The following SMAD2 variants were observed in gnomAD, a reference collection of about 807,000 sequenced individuals.
SMAD2 encodes the protein MAD homolog 2.
In SMAD2, 8 loss-of-function variants were observed where a neutral mutation model predicts 64.4. The ratio of observed to expected loss-of-function variants is 0.12; its 90% CI spans 0.07 to 0.22. The LOEUF is 0.22. SMAD2 is among the 10% of genes least tolerant of loss of function. The probability of loss-of-function intolerance (pLI) is 1.00; values close to 1 mark genes in which losing one functional copy is unlikely to be tolerated. For synonymous variants in SMAD2, 203 were observed against 195.8 expected, an observed-to-expected ratio of 1.04 and a Z score of -0.31; for missense variants, 289 against 561.2, an observed-to-expected ratio of 0.51 and a Z score of 4.90.
chr18:47,916,073 G>T (rs1307777628), intron 1 of SMAD2, among the ~76,000 whole-genome samples: 1 of 152,074 alleles, frequency 6.6e-6, no homozygotes, highest in African/African-American at 2.4e-5. Context: ...TTTCATTTAC[G>T]AGTTTTCTAA....
At chr18:47,908,189 C>A (rs192466163) in intron 1 of SMAD2, among the ~76,000 whole-genome samples, 1 of 152,236 alleles carries the variant, frequency 6.6e-6, no homozygotes, top group Admixed American at 6.5e-5. Flanking sequence ...TGCAGATAGC[C>A]TCTGCAAGTA....
intron 5 of SMAD2, chr18:47,866,821 G>C (rs554583470): frequency 3.3e-5 from 5 of 152,176 alleles, no homozygotes; most frequent in African/African-American, 9.6e-5. Flanking sequence ...ATCCACTTCT[G>C]ATTTTCTACT....
chr18:47,856,069 G>C (rs948669261), intron 6 of SMAD2, among the ~76,000 whole-genome samples: 1 of 151,750 alleles, frequency 6.6e-6, no homozygotes, highest in Admixed American at 6.6e-5. Context: ...TGGCATGGAT[G>C]AATCTGGAAG....
rs1460971759 is a variant in SMAD2, at chr18:47,930,504, G to C, written c.-197C>G. ...GGCGGAACTGAAAACACTCCCGGCC[G>C]CCGTCTTCCCGCCCCGCCCCCAGGC... On this transcript the variant is annotated 5_prime_UTR_variant, in exon 1 of 11. Coordinates refer to ENST00000262160, the MANE Select transcript of SMAD2 (RefSeq NM_005901.6). 1 of 151,094 alleles carries C rather than the reference G, an allele frequency of 6.6e-6. No individual in the cohort carries two copies. Among genetic ancestry groups the C allele is most frequent in the African/African-American group, 2.4e-5 (1 of 41,132 alleles). The allele number at this position is 151,094 out of a possible 1,614,324, so 9.4% of individuals were successfully genotyped here.
intron 1 of SMAD2, among the ~76,000 whole-genome samples, chr18:47,908,857 C>T (rs928933015): frequency 2.6e-5 from 4 of 152,172 alleles, no homozygotes; most frequent in African/African-American, 9.7e-5. Flanking sequence ...GTAATTTTCA[C>T]CATGTGTAGT....
intron 1 of SMAD2, among the ~76,000 whole-genome samples, chr18:47,911,499 C>CAAATTTCAT (rs1568109136): frequency 2.0e-5 from 3 of 152,142 alleles, no homozygotes; most frequent in South Asian, 4.1e-4. Context: ...CACAGCATGC[C>CAAATTTCAT]AAATTTCATA....
At chr18:47,889,782 A>AC (rs1019646069) in intron 2 of SMAD2, among the ~76,000 whole-genome samples, 7 of 152,086 alleles carry the variant, frequency 4.6e-5, no homozygotes, top group Non-Finnish European at 2.9e-5. Context: ...AAAAAAAAAA[A>AC]AAGGACTGGA....
intron 2 of SMAD2, among the ~76,000 whole-genome samples, chr18:47,885,537 A>C (rs1471965324): frequency 6.6e-6 from 1 of 152,236 alleles, no homozygotes; most frequent in Non-Finnish European, 1.5e-5. Flanking sequence ...ATAAAATATA[A>C]GTACATGTTA....
chr18:47,926,814 A>T (rs1224682678), intron 1 of SMAD2, among the ~76,000 whole-genome samples: 1 of 152,194 alleles, frequency 6.6e-6, no homozygotes, highest in African/African-American at 2.4e-5. Flanking sequence ...CCACAACTAC[A>T]AGAGAGGAAG....
At chr18:47,918,398 C>A (rs1419219607) in intron 1 of SMAD2, among the ~76,000 whole-genome samples, 1 of 152,092 alleles carries the variant, frequency 6.6e-6, no homozygotes, top group South Asian at 2.1e-4. Context: ...GGTACCTGAC[C>A]GACCCAGGAG....
Position 47,825,039 on chromosome 18 carries a change from G to C in SMAD2, c.*16788C>G, listed in dbSNP as rs1237133120. The C allele has an allele frequency of 6.6e-6, 1 of 152,132 alleles. No homozygotes were observed. The highest frequency in any genetic ancestry group is 2.4e-5 in the African/African-American group (1 of 41,424). 9.4% of individuals were successfully genotyped at this position (152,132 alleles called of 1,614,324 possible). A position where few individuals can be genotyped will look rare whatever the true frequency, so the allele number is the denominator to read the frequency against. ...TTTCTCTGGTTGTTGGAATCTGGGT[G>C]ATTTTTTAAAGTCCCATCCACTGGG... On this transcript the variant is annotated 3_prime_UTR_variant, in exon 11 of 11. Coordinates refer to ENST00000262160, the MANE Select transcript of SMAD2 (RefSeq NM_005901.6).
intron 1 of SMAD2, among the ~76,000 whole-genome samples, chr18:47,906,463 G>T (rs990198708): frequency 7.2e-5 from 11 of 152,118 alleles, no homozygotes; most frequent in Non-Finnish European, 4.4e-5. Context: ...AGCACATGAA[G>T]AGGTATTTAG....
At position 47,829,685 on chromosome 18, in the gene SMAD2, C is replaced by CT. The variant is rs760694062; in HGVS notation, c.*12141dup. ...GTGCATAGGCAGTATGAAGTAGACA[C>CT]TTTGGCAAATAAAAACTGCACCGTA... is the stretch of plus-strand genomic sequence containing the variant. On this transcript the variant is annotated 3_prime_UTR_variant, in exon 11 of 11. Transcript: ENST00000262160. 1.3e-5 allele frequency: 2 copies of CT among 152,148 alleles called. No homozygotes were observed. Among genetic ancestry groups the CT allele is most frequent in the Non-Finnish European group, 2.9e-5 (2 of 68,040 alleles). The allele number at this position is 152,148 out of a possible 1,614,324, so 9.4% of individuals were successfully genotyped here. A position where few individuals can be genotyped will look rare whatever the true frequency, so the allele number is the denominator to read the frequency against.
chr18:47,875,380 C>T (rs927098403), intron 2 of SMAD2, among the ~76,000 whole-genome samples: 1 of 152,064 alleles, frequency 6.6e-6, no homozygotes, highest in East Asian at 1.9e-4. Flanking sequence ...TTTGGTGACC[C>T]AACTGGTATT....
At chr18:47,849,318 CTA>C (rs1351060920) in intron 7 of SMAD2, among the ~76,000 whole-genome samples, 1 of 151,898 alleles carries the variant, frequency 6.6e-6, no homozygotes, top group East Asian at 1.9e-4. Context: ...CACTGGAAAA[CTA>C]TATATTTAGC....
chr18:47,856,082 A>G (rs1598776637), intron 6 of SMAD2, among the ~76,000 whole-genome samples: 1 of 152,078 alleles, frequency 6.6e-6, no homozygotes, highest in East Asian at 1.9e-4. Context: ...TCTGGAAGAC[A>G]TTATGCCAAG....
intron 2 of SMAD2, chr18:47,878,511 T>G (rs2032397587): frequency 6.6e-6 from 1 of 152,172 alleles, no homozygotes; most frequent in South Asian, 2.1e-4. Flanking sequence ...GTGCCTGCAG[T>G]CCCAGCTATT....
rs1049743282 is a variant in SMAD2 at position 47,929,394 on chromosome 18, T to C, written c.-54+967A>G. On this transcript the variant is annotated intron_variant, in intron 1 of 10. Coordinates refer to ENST00000262160, the MANE Select transcript of SMAD2 (RefSeq NM_005901.6). ...GAAGTCAGAAGAGAGAAAAAGAATT[T>C]TGGAAATTAAATCACATTTCAAAGA... is the stretch of plus-strand genomic sequence containing the variant. Among the ~76,000 whole-genome samples, 7 of 152,234 alleles carry C rather than the reference T, an allele frequency of 4.6e-5. No individual in the cohort carries two copies. In the East Asian group the frequency reaches 1.3e-3, roughly 29 times the overall value.
chr18:47,913,866 T>G (rs1253125407), intron 1 of SMAD2, among the ~76,000 whole-genome samples: 1 of 152,236 alleles, frequency 6.6e-6, no homozygotes, highest in African/African-American at 2.4e-5. Flanking sequence ...GTTCAGACAC[T>G]ATTTCTAATT....
Sources: allele counts gnomAD v4.1 joint callset (sites outside exome capture counted in the v4.1 genomes callset), GRCh38; gene constraint gnomAD v4.1.1; transcripts MANE v1.5; gene names NCBI Gene and HGNC (gene_info 2026-07-23, HGNC 2026-07-21).